Variants in DGCR2 observed in about 807,000 individuals in gnomAD.
DGCR2 encodes the protein DiGeorge syndrome critical region gene 2.
Under a neutral mutation model 51.6 loss-of-function variants are expected in DGCR2, and 24 were observed. The ratio of observed to expected loss-of-function variants is 0.47; its 90% confidence interval spans 0.34 to 0.65. The LOEUF (loss-of-function observed/expected upper bound fraction) is 0.65, where lower values mean the gene tolerates loss of function less well. Ranked by LOEUF, DGCR2 falls within the 30% of genes least tolerant of loss-of-function variation. DGCR2 has a pLI of 0.01. For missense variants in DGCR2, 765 were observed against 772.1 expected (o/e 0.99, Z 0.11); for synonymous variants, 340 against 315.4 (o/e 1.08, Z -0.82).
chr22:19,112,695 C>G (rs1218971374), intron 1 of DGCR2, among the ~76,000 whole-genome samples: 1 of 143,772 alleles, frequency 7.0e-6, no homozygotes, highest in Non-Finnish European at 1.5e-5. Context: ...CTCAGCCTCC[C>G]AAAGTGCTGG....
intron 1 of DGCR2, among the ~76,000 whole-genome samples, chr22:19,090,887 C>A (rs1293507334): frequency 1.3e-5 from 2 of 151,670 alleles, no homozygotes; most frequent in African/African-American, 4.8e-5. Flanking sequence ...CTTGCCTAAT[C>A]AATAAATACG....
At chr22:19,047,540 G>GATT (rs1344153519) in intron 7 of DGCR2, 1 of 152,018 alleles carries the variant, frequency 6.6e-6, no homozygotes, top group African/African-American at 2.4e-5. Context: ...TCATACTTTT[G>GATT]ATTTACATTT....
At chr22:19,089,314 C>A in intron 2 of DGCR2, 54 bp downstream of exon 2, 1 of 1,508,446 alleles carries the variant, frequency 6.6e-7, no homozygotes, top group South Asian at 1.3e-5. Flanking sequence ...CACAGTCACC[C>A]AGCTACAACA....
intron 2 of DGCR2, 91 bp downstream of exon 2, chr22:19,089,277 G>T: frequency 7.2e-7 from 1 of 1,383,694 alleles, no homozygotes; most frequent in Non-Finnish European, 9.7e-7. Flanking sequence ...TGTTAAGACA[G>T]CACACACCTC....
intron 2 of DGCR2, among the ~76,000 whole-genome samples, chr22:19,072,304 G>C (rs1382393498): frequency 1.3e-5 from 2 of 151,834 alleles, no homozygotes; most frequent in Admixed American, 6.6e-5. Flanking sequence ...ACCAGGTCAA[G>C]AAGAAAGTCC....
intron 9 of DGCR2, 72 bp downstream of exon 9, chr22:19,040,986 A>C (rs1167846806): frequency 1.5e-6 from 2 of 1,359,052 alleles, no homozygotes; most frequent in East Asian, 4.6e-5. Flanking sequence ...GCAGCTGGGC[A>C]AGAGTGCTGG....
chr22:19,077,021 G>A (rs990116898), intron 2 of DGCR2, among the ~76,000 whole-genome samples: 9 of 152,186 alleles, frequency 5.9e-5, no homozygotes, highest in African/African-American at 1.9e-4. Context: ...GCCGCACCCA[G>A]TCCTTTGCAC....
At position 19,041,042 on chromosome 22, in the gene DGCR2, C is replaced by A; in HGVS notation, c.1396+16G>T. ...TTACTTGACAAGGTGTTCCCTCTCCCTGGGGAGTCAGGCACCTGCAGGGTC... is the reference window on the plus strand; with the variant it reads ...TTACTTGACAAGGTGTTCCCTCTCCATGGGGAGTCAGGCACCTGCAGGGTC... On this transcript the variant is annotated intron_variant, in intron 9 of 9. Coordinates refer to ENST00000263196, the MANE Select transcript of DGCR2 (RefSeq NM_005137.3). 6.4e-7 allele frequency: 1 copy of A among 1,568,710 alleles called. No individual in the cohort carries two copies. Among genetic ancestry groups the A allele is most frequent in the South Asian group, 1.2e-5 (1 of 84,414 alleles).
In DGCR2 at chr22:19,041,843, G is replaced by A. The variant is rs1168968246; in HGVS notation, c.1123C>T (p.Arg375Cys). 3 of 1,612,914 alleles carry A rather than the reference G, an allele frequency of 1.9e-6. No homozygotes were observed. The highest frequency in any genetic ancestry group is 1.1e-5 in the South Asian group (1 of 91,028). ...ATCAGGGACTCGATGCGCTCCCGGC[G>A]CCGCTGGCGCAGCCGGTGGACCATG... ...LFMVHRLRQR[R>C]RERIESLIGA... Residue 375 changes from arginine to cysteine, a missense_variant, in exon 8 of 10, where the codon CGC (arginine) becomes TGC (cysteine). Physicochemically the swap from Arg to Cys is radical, Grantham distance 180. Coordinates refer to ENST00000263196, the MANE Select transcript of DGCR2 (RefSeq NM_005137.3).
intron 2 of DGCR2, among the ~76,000 whole-genome samples, chr22:19,078,250 T>C (rs1328751823): frequency 6.6e-6 from 1 of 152,252 alleles, no homozygotes; most frequent in African/African-American, 2.4e-5. Flanking sequence ...AAAAAATTTT[T>C]CGACTTTACA....
At chr22:19,117,565 C>T (rs1311517610) in intron 1 of DGCR2, among the ~76,000 whole-genome samples, 1 of 152,200 alleles carries the variant, frequency 6.6e-6, no homozygotes, top group Non-Finnish European at 1.5e-5. Flanking sequence ...ATGGCGCATA[C>T]AACTTATTCT....
Position 19,057,223 on chromosome 22 carries a change from C to T in DGCR2, c.626-61G>A, listed in dbSNP as rs2082613895. The T allele has an allele frequency of 3.4e-6, 5 of 1,477,252 alleles. No individual in the cohort carries two copies. The highest frequency in any genetic ancestry group is 4.5e-6 in the Non-Finnish European group (5 of 1,100,076). 91.5% of individuals were successfully genotyped at this position (1,477,252 alleles called of 1,614,324 possible). On this transcript the variant is annotated intron_variant, in intron 5 of 9. Coordinates refer to ENST00000263196, the MANE Select transcript of DGCR2 (RefSeq NM_005137.3). The surrounding 1 kb of genome is among the most constrained non-coding windows in gnomAD (Gnocchi z 5.1). The stretch of plus-strand genomic sequence containing the variant: ...CACATCAGAGGACAAGCTGTGCAGT[C>T]CTCAAGGGGACCATGGCGTCAGACA...
At position 19,038,195 on chromosome 22, in the gene DGCR2, A is replaced by C. The variant is rs2082391414; in HGVS notation, c.*670T>G. Reference sequence around the variant, plus strand: ...AGCTGGGCTGCAGAGCCCAGATGGAAAGACACAGTGAAGAGCTCAACCTCC... The same window carrying C: ...AGCTGGGCTGCAGAGCCCAGATGGACAGACACAGTGAAGAGCTCAACCTCC... On this transcript the variant is annotated 3_prime_UTR_variant, in exon 10 of 10. Transcript: ENST00000263196. 6.5e-6 allele frequency: 1 copy of C among 152,686 alleles called. No homozygotes were observed. The highest frequency in any genetic ancestry group is 1.9e-4 in the East Asian group (1 of 5,180). The allele number at this position is 152,686 out of a possible 1,614,324, so 9.5% of individuals were successfully genotyped here. A position where few individuals can be genotyped will look rare whatever the true frequency, so the allele number is the denominator to read the frequency against.
chr22:19,056,418 C>G, intron 6 of DGCR2: 1 of 493,856 alleles, frequency 2.0e-6, no homozygotes. Context: ...CCCCAACCTG[C>G]GCACAGCTGC....
rs1420896418 is a variant in DGCR2, at chr22:19,060,825, C to T, written c.625+2377G>A. 11 of 509,396 alleles carry T rather than the reference C, an allele frequency of 2.2e-5. 1 individual carries two copies. The highest frequency in any genetic ancestry group is 6.4e-4 in the Middle Eastern group (2 of 3,108). The allele number at this position is 509,396 out of a possible 1,614,324, so 31.6% of individuals were successfully genotyped here. ...AGGCTGGTGTGGGCCTGGGGGAGCGCCTGGAGAGCGCTCCACCAAGGCGCA... is the reference window on the plus strand; with the variant it reads ...AGGCTGGTGTGGGCCTGGGGGAGCGTCTGGAGAGCGCTCCACCAAGGCGCA... On this transcript the variant is annotated intron_variant, in intron 5 of 9. Coordinates refer to ENST00000263196, the MANE Select transcript of DGCR2 (RefSeq NM_005137.3).
chr22:19,110,067 T>C (rs2083298364), intron 1 of DGCR2, among the ~76,000 whole-genome samples: 2 of 152,238 alleles, frequency 1.3e-5, no homozygotes, highest in South Asian at 4.1e-4. Context: ...TCCTATCATA[T>C]GGGGTCTTTA....
chr22:19,082,704 C>T (rs1004198590), intron 2 of DGCR2, among the ~76,000 whole-genome samples: 4 of 151,526 alleles, frequency 2.6e-5, no homozygotes, highest in Admixed American at 2.0e-4. Flanking sequence ...GAGCTGAGAT[C>T]GCACCACTGC....
chr22:19,063,770 G>C (rs1316410987), intron 4 of DGCR2, among the ~76,000 whole-genome samples: 2 of 152,092 alleles, frequency 1.3e-5, no homozygotes, highest in Non-Finnish European at 2.9e-5. Context: ...GTTTCTATGA[G>C]CTAAACCGGT....
At chr22:19,061,693 T>C (rs1302566925) in intron 5 of DGCR2, 1 of 152,218 alleles carries the variant, frequency 6.6e-6, no homozygotes, top group Non-Finnish European at 1.5e-5. Context: ...ATTGTTACTA[T>C]TTGTTTTGTG....
Sources: allele counts gnomAD v4.1 joint callset (sites outside exome capture counted in the v4.1 genomes callset), GRCh38; gene constraint gnomAD v4.1.1; non-coding constraint Gnocchi (gnomAD v3.1); transcripts MANE v1.5; gene names NCBI Gene and HGNC (gene_info 2026-07-23, HGNC 2026-07-21).